Variants in ESRRG observed in about 807,000 individuals in gnomAD.
ESRRG encodes estrogen-related receptor gamma.
Under a neutral mutation model 44.0 loss-of-function variants are expected in ESRRG, and 13 were observed. That is an observed-to-expected ratio of 0.30 (90% CI 0.19 to 0.47). The LOEUF (loss-of-function observed/expected upper bound fraction) is 0.47, where lower values mean the gene tolerates loss of function less well. Among genes scored for constraint, ESRRG ranks in the 20% least tolerant of loss-of-function variants. The probability of loss-of-function intolerance (pLI) is 1.00; values close to 1 mark genes in which losing one functional copy is unlikely to be tolerated. For missense variants in ESRRG, 395 were observed against 580.6 expected, an observed-to-expected ratio of 0.68 and a Z score of 3.29; for synonymous variants, 215 against 214.6, an observed-to-expected ratio of 1.00 and a Z score of -0.02.
At chr1:216,930,646 C>A (rs1386020090) in intron 2 of ESRRG, among the ~76,000 whole-genome samples, 1 of 152,116 alleles carries the variant, frequency 6.6e-6, no homozygotes, top group South Asian at 2.1e-4. Flanking sequence ...AGTTAAGAAC[C>A]TGTAGAAATA....
intron 2 of ESRRG, among the ~76,000 whole-genome samples, chr1:216,670,296 T>G (rs529833297): frequency 8.5e-5 from 13 of 152,354 alleles, no homozygotes; most frequent in Admixed American, 2.6e-4. Context: ...GAAGGAGTCA[T>G]ACAATTCAGT....
At chr1:217,103,760 C>T (rs1346590497) in intron 1 of ESRRG, among the ~76,000 whole-genome samples, 1 of 151,976 alleles carries the variant, frequency 6.6e-6, no homozygotes, top group Non-Finnish European at 1.5e-5. Context: ...ATGACGAATG[C>T]CCCTCCAAGC....
intron 1 of ESRRG, among the ~76,000 whole-genome samples, chr1:217,071,235 T>A (rs2090514225): frequency 6.6e-6 from 1 of 151,956 alleles, no homozygotes; most frequent in Non-Finnish European, 1.5e-5. Flanking sequence ...ATGTATTGGG[T>A]CTCTCCTTCA....
intron 2 of ESRRG, among the ~76,000 whole-genome samples, chr1:216,752,804 T>C (rs1020997215): frequency 6.6e-6 from 1 of 152,136 alleles, no homozygotes; most frequent in Non-Finnish European, 1.5e-5. Context: ...TTGGGCCAGT[T>C]AGTTAACTTT....
chr1:216,876,973 C>A (rs1356900501), intron 2 of ESRRG, among the ~76,000 whole-genome samples: 2 of 120,594 alleles, frequency 1.7e-5, no homozygotes, highest in African/African-American at 6.1e-5. Flanking sequence ...AATCTCTTCA[C>A]TAATGTGTGT....
chr1:216,988,544 A>C (rs1311750570), intron 1 of ESRRG, among the ~76,000 whole-genome samples: 4 of 151,924 alleles, frequency 2.6e-5, no homozygotes, highest in South Asian at 2.1e-4. Context: ...ACTCATTCTT[A>C]ATTTCTGTCC....
intron 2 of ESRRG, among the ~76,000 whole-genome samples, chr1:216,821,865 T>C (rs1472025879): frequency 1.3e-5 from 2 of 151,980 alleles, no homozygotes; most frequent in African/African-American, 2.4e-5. Flanking sequence ...GATAGTATTA[T>C]AGTGCAGTGT....
intron 1 of ESRRG, among the ~76,000 whole-genome samples, chr1:217,133,627 T>TCTCTC (rs1558298046): frequency 2.6e-5 from 1 of 38,802 alleles, no homozygotes; most frequent in African/African-American, 6.8e-5. Context: ...CTTTCTTTCT[T>TCTCTC]TCTTTCTCTC....
intron 2 of ESRRG, among the ~76,000 whole-genome samples, chr1:216,929,250 T>TCTTCCTTCCTTGCTTCCTTCCTTC (rs570394676): frequency 0.015 from 2,227 of 152,184 alleles, 32 homozygotes; most frequent in South Asian, 0.036. Context: ...CACTCAAATT[T>TCTTCCTTCCTTGCTTCCTTCCTTC]CTTCCTTCCT....
intron 2 of ESRRG, among the ~76,000 whole-genome samples, chr1:216,732,750 T>TCAATGAG (rs2089097824): frequency 6.8e-6 from 1 of 146,546 alleles, no homozygotes; most frequent in African/African-American, 2.5e-5. Context: ...GCATCAGTGA[T>TCAATGAG]CAATGATCAA....
rs189969609 is a variant in ESRRG, at chr1:217,004,042, C to A, written c.-105-64369G>T. ...TACTGTCTTATGGGGTAAAGGGGAG[C>A]GAGAAGTTACCAGAATCTTGATCCC... On this transcript the variant is annotated intron_variant, in intron 1 of 7. Transcript: ENST00000359162. Among the ~76,000 whole-genome samples, 3 of 152,060 alleles carry A rather than the reference C, an allele frequency of 2.0e-5. No individual in the cohort carries two copies. In the East Asian group the frequency reaches 5.8e-4, roughly 29 times the overall value.
At chr1:216,578,050 T>C (rs2062015900) in intron 3 of ESRRG, among the ~76,000 whole-genome samples, 1 of 152,052 alleles carries the variant, frequency 6.6e-6, no homozygotes, top group Admixed American at 6.6e-5. Context: ...TGTTTGATAA[T>C]ATTTCTCTGG....
chr1:216,568,444 T>A (rs963925587), intron 3 of ESRRG, among the ~76,000 whole-genome samples: 1 of 152,194 alleles, frequency 6.6e-6, no homozygotes, highest in Non-Finnish European at 1.5e-5. Context: ...GCATTTAGCA[T>A]CCTTTTCATC....
At chr1:216,966,806 A>G (rs1309757472) in intron 1 of ESRRG, among the ~76,000 whole-genome samples, 4 of 152,150 alleles carry the variant, frequency 2.6e-5, no homozygotes, top group Non-Finnish European at 5.9e-5. Flanking sequence ...CTATAAACCA[A>G]TGGCCTTCCA....
chr1:216,749,596 G>T (rs1157548433), intron 2 of ESRRG, among the ~76,000 whole-genome samples: 2 of 152,084 alleles, frequency 1.3e-5, no homozygotes, highest in Non-Finnish European at 2.9e-5. Flanking sequence ...CAAATGATTT[G>T]CTTGAATGAA....
At chr1:216,940,572 A>G (rs942286157) in intron 1 of ESRRG, among the ~76,000 whole-genome samples, 3 of 152,094 alleles carry the variant, frequency 2.0e-5, no homozygotes, top group Admixed American at 6.6e-5. Context: ...TAAGTAAAAG[A>G]TGTGGAGAAA....
chr1:216,846,830 C>T (rs542236431), intron 2 of ESRRG, among the ~76,000 whole-genome samples: 7 of 152,018 alleles, frequency 4.6e-5, no homozygotes, highest in East Asian at 1.9e-4. Context: ...CCTGAATCTT[C>T]GGTTTTATTT....
intron 1 of ESRRG, among the ~76,000 whole-genome samples, chr1:216,969,652 C>T (rs915041078): frequency 1.3e-5 from 2 of 152,134 alleles, no homozygotes; most frequent in African/African-American, 2.4e-5. Flanking sequence ...ATGGCGCTAT[C>T]TCAGCTCACC....
chr1:217,135,221 G>C (rs987543289), intron 1 of ESRRG, among the ~76,000 whole-genome samples: 3 of 150,822 alleles, frequency 2.0e-5, no homozygotes, highest in Non-Finnish European at 3.0e-5. Context: ...GGGCCAGCTC[G>C]GGCACGCGCT....
Sources: gnomAD v4.1 joint callset for allele counts (sites outside exome capture counted in the v4.1 genomes callset) on GRCh38, gnomAD v4.1.1 for gene constraint, MANE v1.5 for transcripts, NCBI Gene and HGNC (gene_info 2026-07-23, HGNC 2026-07-21) for gene names.